The following PKDREJ variants were observed in gnomAD, a reference collection of about 807,000 sequenced individuals.
PKDREJ encodes the protein PKD and REJ homolog.
For missense variants in PKDREJ, 2,507 were observed against 2,807.2 expected (o/e 0.89, Z 2.42); for synonymous variants, 1,031 against 1,095.5 (o/e 0.94, Z 1.16).
chr22:46,258,443 G>A lies in PKDREJ; in HGVS notation c.4880C>T (p.Pro1627Leu). The stretch of plus-strand genomic sequence containing the variant: ...GCCTGACAGGAGTATAATTTTAGAT[G>A]GCTGCACCAGAAGAACTGACTGACA... ...SFCQSVLLVQ[P>L]SKIILLSGFR... The change falls in exon 1 of 1, where the codon CCA becomes CTA. Residue 1627 changes from proline (P) to leucine (L), a missense_variant. Coordinates refer to ENST00000253255, the MANE Select transcript of PKDREJ (RefSeq NM_006071.2). The surrounding 1 kb of genome is among the most constrained non-coding windows in gnomAD (Gnocchi z 6.1). 1 of 1,614,110 alleles carries A rather than the reference G, an allele frequency of 6.2e-7. No individual in the cohort carries two copies. The highest frequency in any genetic ancestry group is 1.3e-5 in the African/African-American group (1 of 75,040).
In PKDREJ at chr22:46,258,508, G is replaced by C; in HGVS notation, c.4815C>G (p.Asp1605Glu). 1 of 1,613,886 alleles carries C rather than the reference G, an allele frequency of 6.2e-7. No individual in the cohort carries two copies. The highest frequency in any genetic ancestry group is 1.1e-5 in the South Asian group (1 of 91,078). The change falls in exon 1 of 1, where the codon GAC (aspartate) becomes GAG (glutamate). Residue 1605 changes from aspartate (D) to glutamate (E), a missense_variant. Coordinates refer to ENST00000253255, the MANE Select transcript of PKDREJ (RefSeq NM_006071.2). This position sits in a 1 kb window ranked among gnomAD's most constrained non-coding sequence, Gnocchi z 6.1. ...IVFYGLTYGY[D>E]KSIEWLFASF... ...ATGCAAAGAGCCATTCTATTGACTTGTCATAGCCGTAAGTCAGTCCATAAA... is the reference window on the plus strand; with the variant it reads ...ATGCAAAGAGCCATTCTATTGACTTCTCATAGCCGTAAGTCAGTCCATAAA...
At position 46,261,758 on chromosome 22, in the gene PKDREJ, A is replaced by C; in HGVS notation, c.1565T>G (p.Ile522Arg). The change falls in exon 1 of 1, where the codon ATA (isoleucine) becomes AGA (arginine). Residue 522 changes from isoleucine to arginine, a missense_variant. Transcript: ENST00000253255. This position sits in a 1 kb window ranked among gnomAD's most constrained non-coding sequence, Gnocchi z 7.1. ...VTGRNGAYLS[I>R]KAFAFRHFLE... is the part of the protein sequence containing the mutation. The stretch of plus-strand genomic sequence containing the variant: ...AAAATGCCGAAAAGCAAAAGCTTTT[A>C]TAGACAGATAAGCACCATTCCTTCC... 1 of 1,614,024 alleles carries C rather than the reference A, an allele frequency of 6.2e-7. No homozygotes were observed. Among genetic ancestry groups the C allele is most frequent in the East Asian group, 2.2e-5 (1 of 44,888 alleles).
chr22:46,256,644 G>A lies in PKDREJ; in HGVS notation c.6679C>T (p.Gln2227Ter). ...PEFFIDMLYG[Q>*]PEKNSHRYLG... The stretch of plus-strand genomic sequence containing the variant: ...TAACGGTGGCTGTTCTTCTCTGGCT[G>A]CCCATACAGCATGTCAATAAAGAAC... The change falls in exon 1 of 1, where the codon CAG (glutamine) becomes TAG (stop). Residue 2227 changes from glutamine (Q) to a stop codon, truncating the protein, a stop_gained. Transcript: ENST00000253255. LOFTEE classifies it high-confidence loss of function. This position sits in a 1 kb window ranked among gnomAD's most constrained non-coding sequence, Gnocchi z 5.3. 1 of 1,614,138 alleles carries A rather than the reference G, an allele frequency of 6.2e-7. No individual in the cohort carries two copies. Among genetic ancestry groups the A allele is most frequent in the Non-Finnish European group, 8.5e-7 (1 of 1,180,026 alleles).
At position 46,262,233 on chromosome 22, in the gene PKDREJ, G is replaced by C. The variant is rs1055286348; in HGVS notation, c.1090C>G (p.Pro364Ala). 3 of 1,614,136 alleles carry C rather than the reference G, an allele frequency of 1.9e-6. No homozygotes were observed. The highest frequency in any genetic ancestry group is 2.5e-6 in the Non-Finnish European group (3 of 1,180,026). Residue 364 changes from proline (P) to alanine (A), a missense_variant, in exon 1 of 1, where the codon CCA becomes GCA. Transcript: ENST00000253255. The surrounding 1 kb of genome is among the most constrained non-coding windows in gnomAD (Gnocchi z 8.1). ...CCCTGTAACGGGCTGTCCGCATCTG[G>C]GTCCGAGGACGTGGACCCGTCCAGA... ...LILDGSTSSD[P>A]DADSPLQGLQ...
At position 46,261,263 on chromosome 22, in the gene PKDREJ, G is replaced by A; in HGVS notation, c.2060C>T (p.Thr687Ile). 2 of 1,614,004 alleles carry A rather than the reference G, an allele frequency of 1.2e-6. No homozygotes were observed. Among genetic ancestry groups the A allele is most frequent in the South Asian group, 1.1e-5 (1 of 91,086 alleles). The change falls in exon 1 of 1, where the codon ACC (threonine) becomes ATC (isoleucine). Residue 687 changes from threonine (T) to isoleucine (I), a missense_variant. Transcript: ENST00000253255. The surrounding 1 kb of genome is among the most constrained non-coding windows in gnomAD (Gnocchi z 7.1). ...AGACAGCAATGAACTTGGTCCCACGGTGAAACTGAGTAACTGATTCAACAC... is the reference window on the plus strand; with the variant it reads ...AGACAGCAATGAACTTGGTCCCACGATGAAACTGAGTAACTGATTCAACAC... ...KTVLNQLLSF[T>I]VGPSSLLSTL...
In PKDREJ at chr22:46,256,368, C is replaced by G. The variant is rs1331481170; in HGVS notation, c.*193G>C. 1 of 893,646 alleles carries G rather than the reference C, an allele frequency of 1.1e-6. No homozygotes were observed. Among genetic ancestry groups the G allele is most frequent in the Non-Finnish European group, 1.6e-6 (1 of 606,422 alleles). 55.4% of individuals were successfully genotyped at this position (893,646 alleles called of 1,614,324 possible). A position where few individuals can be genotyped will look rare whatever the true frequency, so the allele number is the denominator to read the frequency against. On this transcript the variant is annotated 3_prime_UTR_variant, in exon 1 of 1. Transcript: ENST00000253255. The surrounding 1 kb of genome is among the most constrained non-coding windows in gnomAD (Gnocchi z 5.3). ...GATCCTGCTGTCTCCCCAGATGCTACACTACACTCCCAACTTTTACACTCC... is the reference window on the plus strand; with the variant it reads ...GATCCTGCTGTCTCCCCAGATGCTAGACTACACTCCCAACTTTTACACTCC...
In PKDREJ at chr22:46,262,751, ACG is replaced by A. The variant is rs755050158; in HGVS notation, c.570_571del (p.Val191AspfsTer105). ...GGACGAGTTGACGGCCTGCAACATCACGCGCGCGGGGCCGTCTGTGGGGCACT... is the reference window on the plus strand; with the variant it reads ...GGACGAGTTGACGGCCTGCAACATCACGCGCGGGGCCGTCTGTGGGGCACT... On this transcript the variant is annotated frameshift_variant, in exon 1 of 1. Transcript: ENST00000253255. LOFTEE classifies it low-confidence loss of function (END_TRUNC). This position sits in a 1 kb window ranked among gnomAD's most constrained non-coding sequence, Gnocchi z 8.1. The A allele has an allele frequency of 6.3e-6, 10 of 1,594,922 alleles. No individual in the cohort carries two copies. The highest frequency in any genetic ancestry group is 7.7e-6 in the Non-Finnish European group (9 of 1,171,272).
chr22:46,256,273 G>A lies in PKDREJ; in HGVS notation c.*288C>T. The A allele has an allele frequency of 2.6e-6, 1 of 387,534 alleles. No individual in the cohort carries two copies. The highest frequency in any genetic ancestry group is 4.6e-6 in the Non-Finnish European group (1 of 215,902). 24.0% of individuals were successfully genotyped at this position (387,534 alleles called of 1,614,324 possible). ...CTAAACTGCAGGCACCAAAGAAACAGGGTTGCCCTTGTACGGGGAGTCACA... is the reference window on the plus strand; with the variant it reads ...CTAAACTGCAGGCACCAAAGAAACAAGGTTGCCCTTGTACGGGGAGTCACA... On this transcript the variant is annotated 3_prime_UTR_variant, in exon 1 of 1. Transcript: ENST00000253255. The surrounding 1 kb of genome is among the most constrained non-coding windows in gnomAD (Gnocchi z 5.3).
In PKDREJ at chr22:46,259,266, T is replaced by C; in HGVS notation, c.4057A>G (p.Thr1353Ala). The C allele has an allele frequency of 6.2e-7, 1 of 1,614,174 alleles. No homozygotes were observed. ...FHVTHPDERL[T>A]RKDFFFIDVS... Reference sequence around the variant, plus strand: ...TCTATAAAGAAAAAGTCTTTTCTAGTCAGACGCTCATCTGGATGGGTAACG... The same window carrying C: ...TCTATAAAGAAAAAGTCTTTTCTAGCCAGACGCTCATCTGGATGGGTAACG... Residue 1353 changes from threonine to alanine, a missense_variant, in exon 1 of 1, where the codon ACT becomes GCT. Transcript: ENST00000253255. This position sits in a 1 kb window ranked among gnomAD's most constrained non-coding sequence, Gnocchi z 6.8.
At position 46,260,435 on chromosome 22, in the gene PKDREJ, G is replaced by C. The variant is rs144278896; in HGVS notation, c.2888C>G (p.Ala963Gly). 52 of 1,614,094 alleles carry C rather than the reference G, an allele frequency of 3.2e-5. No homozygotes were observed. The African/African-American group carries it at 6.7e-4, about 21-fold the overall frequency. The change falls in exon 1 of 1, where the codon GCT (alanine) becomes GGT (glycine). Residue 963 changes from alanine to glycine, a missense_variant. By Grantham distance (60) the Ala-to-Gly change is moderately conservative. Coordinates refer to ENST00000253255, the MANE Select transcript of PKDREJ (RefSeq NM_006071.2). This position sits in a 1 kb window ranked among gnomAD's most constrained non-coding sequence, Gnocchi z 4.5. Reference sequence around the variant, plus strand: ...GTTGGGTCCCACTGTGAGATTAAAAGCTGCAAAGGTCAAGTTTTTCCTGAC... The same window carrying C: ...GTTGGGTCCCACTGTGAGATTAAAACCTGCAAAGGTCAAGTTTTTCCTGAC... ...YLVRKNLTFA[A>G]FNLTVGPNSE...
Position 46,262,613 on chromosome 22 carries a change from G to T in PKDREJ, c.710C>A (p.Ala237Glu), listed in dbSNP as rs767659121. ...KGAPVRLSMQ[A>E]EATINASVQL... ...CACCGAGGCGTTGATGGTGGCCTCC[G>T]CCTGCATGCTCAGGCGCACGGGGGC... The change falls in exon 1 of 1, where the codon GCG (alanine) becomes GAG (glutamate). Residue 237 changes from alanine (A) to glutamate (E), a missense_variant. By Grantham distance (107) the Ala-to-Glu change is moderately radical. Transcript: ENST00000253255. This position sits in a 1 kb window ranked among gnomAD's most constrained non-coding sequence, Gnocchi z 8.1. 1.9e-6 allele frequency: 3 copies of T among 1,612,744 alleles called. No individual in the cohort carries two copies. The highest frequency in any genetic ancestry group is 2.5e-6 in the Non-Finnish European group (3 of 1,179,630).
In PKDREJ at chr22:46,261,614, G is replaced by A. The variant is rs745404074; in HGVS notation, c.1709C>T (p.Pro570Leu). 5 of 1,613,642 alleles carry A rather than the reference G, an allele frequency of 3.1e-6. No individual in the cohort carries two copies. The highest frequency in any genetic ancestry group is 4.2e-6 in the Non-Finnish European group (5 of 1,179,776). Residue 570 changes from proline to leucine, a missense_variant, in exon 1 of 1, where the codon CCA becomes CTA. Physicochemically the swap from Pro to Leu is moderately conservative, Grantham distance 98. Coordinates refer to ENST00000253255, the MANE Select transcript of PKDREJ (RefSeq NM_006071.2). This position sits in a 1 kb window ranked among gnomAD's most constrained non-coding sequence, Gnocchi z 7.1. ...GPQIGECKIN[P>L]AKGIALITKF... Reference sequence around the variant, plus strand: ...AGTAATAAGTGCAATTCCTTTAGCTGGATTAATTTTGCATTCTCCGATCTG... The same window carrying A: ...AGTAATAAGTGCAATTCCTTTAGCTAGATTAATTTTGCATTCTCCGATCTG...
chr22:46,262,878 C>A lies in PKDREJ; in HGVS notation c.445G>T (p.Gly149Ter). 1 of 1,087,902 alleles carries A rather than the reference C, an allele frequency of 9.2e-7. No individual in the cohort carries two copies. Among genetic ancestry groups the A allele is most frequent in the Non-Finnish European group, 1.1e-6 (1 of 895,346 alleles). 67.4% of individuals were successfully genotyped at this position (1,087,902 alleles called of 1,614,324 possible). A position where few individuals can be genotyped will look rare whatever the true frequency, so the allele number is the denominator to read the frequency against. The change falls in exon 1 of 1, where the codon GGA (glycine) becomes TGA (stop). Residue 149 changes from glycine (G) to a stop codon, truncating the protein, a stop_gained. Coordinates refer to ENST00000253255, the MANE Select transcript of PKDREJ (RefSeq NM_006071.2). LOFTEE classifies it low-confidence loss of function (END_TRUNC). The surrounding 1 kb of genome is among the most constrained non-coding windows in gnomAD (Gnocchi z 8.1). Reference sequence around the variant, plus strand: ...GAGGCCGGGCGGGCGGCGCCGGGTCCGAGCAGCCGCAGGCGGAAGGCCCAG... The same window carrying A: ...GAGGCCGGGCGGGCGGCGCCGGGTCAGAGCAGCCGCAGGCGGAAGGCCCAG... ...LAWAFRLRLL[G>*]PGAARPASPA... is the part of the protein sequence containing the mutation.
In PKDREJ at chr22:46,259,335, G is replaced by T; in HGVS notation, c.3988C>A (p.Gln1330Lys). 6.2e-7 allele frequency: 1 copy of T among 1,614,186 alleles called. No individual in the cohort carries two copies. Among genetic ancestry groups the T allele is most frequent in the Non-Finnish European group, 8.5e-7 (1 of 1,180,022 alleles). Residue 1330 changes from glutamine (Q) to lysine (K), a missense_variant, in exon 1 of 1, where the codon CAG becomes AAG. Gln to Lys is a moderately conservative substitution (Grantham distance 53). Transcript: ENST00000253255. The surrounding 1 kb of genome is among the most constrained non-coding windows in gnomAD (Gnocchi z 6.8). ...FSRHIWLFIC[Q>K]KWLSVDTTLD... Reference sequence around the variant, plus strand: ...GTGGTATCAACAGAAAGCCATTTCTGGCATATGAACAGCCAAATGTGCCTG... The same window carrying T: ...GTGGTATCAACAGAAAGCCATTTCTTGCATATGAACAGCCAAATGTGCCTG...
chr22:46,260,933 C>T lies in PKDREJ; in HGVS notation c.2390G>A (p.Arg797His), dbSNP rs146727031. The stretch of plus-strand genomic sequence containing the variant: ...GATTTCTATTTGTTCAGATCGAAAG[C>T]GTTTATCTTTTTGCTGATACTCTTG... ...ALQEYQQKDK[R>H]FRSEQIEIVS... The change falls in exon 1 of 1, where the codon CGC (arginine) becomes CAC (histidine). Residue 797 changes from arginine to histidine, a missense_variant. By Grantham distance (29) the Arg-to-His change is conservative. Coordinates refer to ENST00000253255, the MANE Select transcript of PKDREJ (RefSeq NM_006071.2). The surrounding 1 kb of genome is among the most constrained non-coding windows in gnomAD (Gnocchi z 4.5). 1.1e-5 allele frequency: 17 copies of T among 1,613,952 alleles called. No homozygotes were observed. The highest frequency in any genetic ancestry group is 2.7e-5 in the African/African-American group (2 of 74,922).
chr22:46,263,213 G>A lies in PKDREJ; in HGVS notation c.110C>T (p.Ala37Val). The A allele has an allele frequency of 3.5e-6, 5 of 1,425,872 alleles. No homozygotes were observed. Among genetic ancestry groups the A allele is most frequent in the Non-Finnish European group, 4.6e-6 (5 of 1,095,434 alleles). The allele number at this position is 1,425,872 out of a possible 1,614,324, so 88.3% of individuals were successfully genotyped here. The stretch of plus-strand genomic sequence containing the variant: ...GGCGCCCCTGAGGAGGCCACCGGGC[G>A]CCCCGGAGACGGCGGCTTGTGCCCC... ...PRGAQAAVSG[A>V]PGGLLRGAPG... Residue 37 changes from alanine (A) to valine (V), a missense_variant, in exon 1 of 1, where the codon GCG (alanine) becomes GTG (valine). Coordinates refer to ENST00000253255, the MANE Select transcript of PKDREJ (RefSeq NM_006071.2). This position sits in a 1 kb window ranked among gnomAD's most constrained non-coding sequence, Gnocchi z 9.4.
chr22:46,257,228 G>C lies in PKDREJ; in HGVS notation c.6095C>G (p.Ser2032Trp). 1 of 1,613,968 alleles carries C rather than the reference G, an allele frequency of 6.2e-7. No individual in the cohort carries two copies. Among genetic ancestry groups the C allele is most frequent in the Non-Finnish European group, 8.5e-7 (1 of 1,180,034 alleles). The change falls in exon 1 of 1, where the codon TCG becomes TGG. Residue 2032 changes from serine (S) to tryptophan (W), a missense_variant. By Grantham distance (177) the Ser-to-Trp change is radical. Coordinates refer to ENST00000253255, the MANE Select transcript of PKDREJ (RefSeq NM_006071.2). This position sits in a 1 kb window ranked among gnomAD's most constrained non-coding sequence, Gnocchi z 4.7. The stretch of plus-strand genomic sequence containing the variant: ...AAAGGGAATGAAGTCTTCTGGGTTC[G>C]ACAAGTAAAACCGAATTATGCCAGT... Reference protein sequence around the residue: ...LATGIIRFYLSNPEDFIPFHA... With the variant: ...LATGIIRFYLWNPEDFIPFHA...
rs1490126853 is a variant in PKDREJ, at chr22:46,258,558, T to C, written c.4765A>G (p.Ser1589Gly). 2.5e-6 allele frequency: 4 copies of C among 1,614,074 alleles called. No individual in the cohort carries two copies. The Admixed American group carries it at 5.0e-5, about 20-fold the overall frequency. Residue 1589 changes from serine (S) to glycine (G), a missense_variant, in exon 1 of 1, where the codon AGC becomes GGC. Coordinates refer to ENST00000253255, the MANE Select transcript of PKDREJ (RefSeq NM_006071.2). The surrounding 1 kb of genome is among the most constrained non-coding windows in gnomAD (Gnocchi z 6.1). ...AATACAATGAAGAATGAGGATATGC[T>C]AGAAGTAGCAAAAACCAAAAACCAT... Reference protein sequence around the residue: ...VAWFLVFATSSISSFFIVFYG... With the variant: ...VAWFLVFATSGISSFFIVFYG...
chr22:46,263,278 G>T lies in PKDREJ; in HGVS notation c.45C>A (p.Ser15Arg). 6.8e-7 allele frequency: 1 copy of T among 1,469,274 alleles called. No homozygotes were observed. Among genetic ancestry groups the T allele is most frequent in the Non-Finnish European group, 8.9e-7 (1 of 1,118,806 alleles). 91.0% of individuals were successfully genotyped at this position (1,469,274 alleles called of 1,614,324 possible). A position where few individuals can be genotyped will look rare whatever the true frequency, so the allele number is the denominator to read the frequency against. ...PALLLLGVGL[S>R]LSVGRLPLPP... ...GCAGCGGGAGGCGGCCGACGCTCAG[G>T]CTCAGGCCCACGCCCAGAAGGAGGA... Residue 15 changes from serine (S) to arginine (R), a missense_variant, in exon 1 of 1, where the codon AGC (serine) becomes AGA (arginine). Physicochemically the swap from Ser to Arg is moderately radical, Grantham distance 110. Transcript: ENST00000253255. The surrounding 1 kb of genome is among the most constrained non-coding windows in gnomAD (Gnocchi z 9.4).
Sources: allele counts gnomAD v4.1 joint callset, GRCh38; gene constraint gnomAD v4.1.1; non-coding constraint Gnocchi (gnomAD v3.1); transcripts MANE v1.5; gene names NCBI Gene and HGNC (gene_info 2026-07-23, HGNC 2026-07-21).